The following SCN2A variants were observed in gnomAD, a reference collection of about 807,000 sequenced individuals.
SCN2A encodes sodium voltage-gated channel alpha subunit 2.
SCN2A carries 20 observed loss-of-function variants against 188.7 expected under a neutral mutation model. The ratio of observed to expected loss-of-function variants is 0.11; its 90% CI spans 0.07 to 0.15. SCN2A has a LOEUF of 0.15. Among genes scored for constraint, SCN2A ranks in the 10% least tolerant of loss-of-function variants. The probability of loss-of-function intolerance (pLI) is 1.00; values close to 1 mark genes in which losing one functional copy is unlikely to be tolerated. For missense variants in SCN2A, 1,278 were observed against 2,445.0 expected (o/e 0.52, Z 10.07); for synonymous variants, 804 against 833.1 (o/e 0.97, Z 0.60).
chr2:165,348,430 C>G (rs1262532455), intron 16 of SCN2A, among the ~76,000 whole-genome samples: 1 of 151,770 alleles, frequency 6.6e-6, no homozygotes, highest in African/African-American at 2.4e-5. Flanking sequence ...CTCCAAGTCC[C>G]CAAAGATAGA....
At chr2:165,345,047 C>T in intron 16 of SCN2A, 136 bp downstream of exon 16, 1 of 1,096,078 alleles carries the variant, frequency 9.1e-7, no homozygotes, top group African/African-American at 1.6e-5. Context: ...ACTGTAAGAG[C>T]CATGTATAGT....
Position 165,388,975 on chromosome 2 carries a change from T to C in SCN2A, c.5169T>C (p.Ile1723=). The C allele has an allele frequency of 1.2e-6, 2 of 1,614,106 alleles. No homozygotes were observed. Among genetic ancestry groups the C allele is most frequent in the Non-Finnish European group, 1.7e-6 (2 of 1,180,000 alleles). ...SAGWDGLLAP[I]LNSGPPDCDP... ...GCTGGGATGGATTGCTAGCACCTAT[T>C]CTTAATAGTGGACCTCCAGACTGTG... Residue 1723 remains isoleucine, a synonymous_variant, in exon 27 of 27, where the codon ATT becomes ATC. Coordinates refer to ENST00000375437, the MANE Select transcript of SCN2A (RefSeq NM_001040142.2).
intron 1 of SCN2A, chr2:165,290,666 C>A: frequency 2.1e-6 from 1 of 479,520 alleles, no homozygotes; most frequent in Non-Finnish European, 2.7e-6. Context: ...TTGCTGAGCA[C>A]ATCTGTAAAG....
At chr2:165,269,875 A>G (rs1412799344) in intron 1 of SCN2A, 1 of 151,966 alleles carries the variant, frequency 6.6e-6, no homozygotes, top group Non-Finnish European at 1.5e-5. Flanking sequence ...AAAACAACCA[A>G]CACAACCCAT....
chr2:165,344,552 C>T lies in SCN2A; in HGVS notation c.2563-3C>T, dbSNP rs781322022. The T allele has an allele frequency of 6.2e-7, 1 of 1,613,362 alleles. No homozygotes were observed. The highest frequency in any genetic ancestry group is 1.3e-5 in the African/African-American group (1 of 74,872). On this transcript the variant is annotated splice_region_variant and splice_polypyrimidine_tract_variant and intron_variant, in intron 15 of 26. Transcript: ENST00000375437. The stretch of plus-strand genomic sequence containing the variant: ...TTAACACTGTTCTTGCTTTTATTTC[C>T]AGCTCCGAGTTTTCAAGTTGGCAAA...
intron 1 of SCN2A, among the ~76,000 whole-genome samples, chr2:165,262,398 G>A (rs947759404): frequency 4.6e-5 from 7 of 152,008 alleles, no homozygotes; most frequent in South Asian, 2.1e-4. Context: ...AGTCCTCAAA[G>A]TCCATTGTAT....
rs1309014295 is a variant in SCN2A at position 165,386,760 on chromosome 2, A to C, written c.4566A>C (p.Gly1522=). 3.1e-6 allele frequency: 5 copies of C among 1,613,260 alleles called. No individual in the cohort carries two copies. The highest frequency in any genetic ancestry group is 1.3e-5 in the African/African-American group (1 of 74,894). Residue 1522 remains glycine (G), a synonymous_variant, in exon 26 of 27, where the codon GGA becomes GGC. Coordinates refer to ENST00000375437, the MANE Select transcript of SCN2A (RefSeq NM_001040142.2). ...PIPRPANKFQ[G]MVFDFVTKQV... Reference sequence around the variant, plus strand: ...ATTTGTTCCAGAACAAATTCCAAGGAATGGTCTTTGATTTTGTAACCAAAC... The same window carrying C: ...ATTTGTTCCAGAACAAATTCCAAGGCATGGTCTTTGATTTTGTAACCAAAC...
intron 10 of SCN2A, 28 bp downstream of exon 10, chr2:165,314,136 GT>G (rs1218883366): frequency 6.2e-7 from 1 of 1,602,968 alleles, no homozygotes; most frequent in Non-Finnish European, 8.5e-7. Context: ...ACGGTCCTTT[GT>G]TTTTCTTTAT....
chr2:165,276,914 G>T lies in SCN2A; in HGVS notation c.-51-18859G>T, dbSNP rs1695366996. Among the ~76,000 whole-genome samples, 4 of 152,124 alleles carry T rather than the reference G, an allele frequency of 2.6e-5. No homozygotes were observed. In the South Asian group the frequency reaches 8.3e-4, roughly 32 times the overall value. On this transcript the variant is annotated intron_variant, in intron 1 of 26. Transcript: ENST00000375437. Reference sequence around the variant, plus strand: ...ATTCTGGATGGGCGCGGTGGCTCATGCCTATAATCCCAGTACTTTGGAAGG... The same window carrying T: ...ATTCTGGATGGGCGCGGTGGCTCATTCCTATAATCCCAGTACTTTGGAAGG...
intron 4 of SCN2A, 135 bp downstream of exon 4, chr2:165,308,072 T>A (rs754929037): frequency 1.5e-5 from 11 of 733,622 alleles, no homozygotes; most frequent in African/African-American, 5.2e-5. Flanking sequence ...AATTCATTTC[T>A]GTCACTAAAT....
At position 165,373,238 on chromosome 2, in the gene SCN2A, G is replaced by T. The variant is rs1367305696; in HGVS notation, c.3863G>T (p.Ser1288Ile). 1 of 1,613,376 alleles carries T rather than the reference G, an allele frequency of 6.2e-7. No individual in the cohort carries two copies. Among genetic ancestry groups the T allele is most frequent in the Non-Finnish European group, 8.5e-7 (1 of 1,179,430 alleles). Residue 1288 changes from serine (S) to isoleucine (I), a missense_variant, in exon 21 of 27, where the codon AGC (serine) becomes ATC (isoleucine). Physicochemically the swap from Ser to Ile is moderately radical, Grantham distance 142 (BLOSUM62 -2). Around this residue, in one of 17 missense-constraint regions of SCN2A, gnomAD observed 39 missense variants for 130.2 expected, o/e 0.30. Coordinates refer to ENST00000375437, the MANE Select transcript of SCN2A (RefSeq NM_001040142.2). ...TTTTCTGTATAGGTCTCACTGGTTA[G>T]CTTAACTGCAAATGCCTTGGGTTAC... is the stretch of plus-strand genomic sequence containing the variant. ...DFLIVDVSLV[S>I]LTANALGYSE...
At position 165,364,484 on chromosome 2, in the gene SCN2A, T is replaced by G. The variant is rs138262001; in HGVS notation, c.3400-659T>G. Among the ~76,000 whole-genome samples the G allele has an allele frequency of 3.3e-3, 499 of 152,318 alleles. 6 individuals carry two copies. Among genetic ancestry groups the G allele is most frequent in the African/African-American group, 0.011 (477 of 41,564 alleles). On this transcript the variant is annotated intron_variant, in intron 17 of 26. Transcript: ENST00000375437. ...TTTCTGCCTGTACTAACAGGGCAGG[T>G]AAGAGTGCCAGAGTAACAAGTAGTT... is the stretch of plus-strand genomic sequence containing the variant.
At chr2:165,353,121 C>G (rs1012433708) in intron 16 of SCN2A, among the ~76,000 whole-genome samples, 2 of 151,562 alleles carry the variant, frequency 1.3e-5, no homozygotes, top group African/African-American at 4.8e-5. Flanking sequence ...ACTGGTGGAG[C>G]CTATTTTTAA....
intron 1 of SCN2A, among the ~76,000 whole-genome samples, chr2:165,291,533 C>CTCTCCTTTCT (rs1696186696): frequency 5.0e-3 from 202 of 40,318 alleles, no homozygotes; most frequent in South Asian, 7.2e-3. Context: ...TCTTTCCTTC[C>CTCTCCTTTCT]TTCCTTCCTT....
intron 1 of SCN2A, among the ~76,000 whole-genome samples, chr2:165,265,545 A>G (rs937091705): frequency 8.0e-6 from 1 of 125,138 alleles, no homozygotes; most frequent in African/African-American, 3.0e-5. Context: ...TAGTTTAATT[A>G]GATCATAATC....
At chr2:165,289,454 C>T (rs1696000111) in intron 1 of SCN2A, among the ~76,000 whole-genome samples, 2 of 152,012 alleles carry the variant, frequency 1.3e-5, no homozygotes, top group Admixed American at 1.3e-4. Flanking sequence ...ATATCGTTTG[C>T]CTTTCTCATT....
chr2:165,336,665 A>G (rs1699012097), intron 14 of SCN2A, among the ~76,000 whole-genome samples: 1 of 152,022 alleles, frequency 6.6e-6, no homozygotes, highest in African/African-American at 2.4e-5. Context: ...AATAATGGTG[A>G]TGATTTTACA....
intron 3 of SCN2A, among the ~76,000 whole-genome samples, chr2:165,303,279 T>TTTTTTTTC (rs1696926970): frequency 7.1e-6 from 1 of 140,758 alleles, no homozygotes; most frequent in East Asian, 2.2e-4. Flanking sequence ...AGTTTTTTTT[T>TTTTTTTTC]TTTTTTTTTT....
chr2:165,352,645 C>G (rs918443457), intron 16 of SCN2A, among the ~76,000 whole-genome samples: 3 of 152,136 alleles, frequency 2.0e-5, no homozygotes, highest in Admixed American at 1.3e-4. Context: ...CATCTGGCCT[C>G]CTGTAATGAA....
Sources: allele counts gnomAD v4.1 joint callset (sites outside exome capture counted in the v4.1 genomes callset), GRCh38; gene constraint gnomAD v4.1.1; regional missense constraint gnomAD v4.1.1; transcripts MANE v1.5; gene names NCBI Gene and HGNC (gene_info 2026-07-23, HGNC 2026-07-21).